NUP210L: variants seen among roughly 807,000 people sequenced by gnomAD.
NUP210L encodes nucleoporin 210 like.
NUP210L carries 74 observed loss-of-function variants against 208.5 expected under a neutral mutation model. The ratio of observed to expected loss-of-function variants is 0.35; its 90% CI spans 0.29 to 0.43. The LOEUF is 0.43. Ranked by LOEUF, NUP210L falls within the 20% of genes least tolerant of loss-of-function variation. NUP210L has a pLI of 1.00. For synonymous variants in NUP210L, 780 were observed against 816.9 expected (o/e 0.95, Z 0.77); for missense variants, 1,843 against 2,289.4 (o/e 0.81, Z 3.98).
intron 27 of NUP210L, among the ~76,000 whole-genome samples, chr1:154,042,163 G>C (rs1293480651): frequency 6.7e-6 from 1 of 149,082 alleles, no homozygotes; most frequent in East Asian, 2.0e-4. Flanking sequence ...GGAGTGGTGC[G>C]ATCACAGCTC....
chr1:154,112,957 G>A (rs1171568999), intron 12 of NUP210L, among the ~76,000 whole-genome samples: 3 of 151,536 alleles, frequency 2.0e-5, no homozygotes, highest in Non-Finnish European at 4.4e-5. Flanking sequence ...AGGAGTTTGA[G>A]GCAAGCCTGG....
chr1:154,103,465 G>T (rs373826432), intron 13 of NUP210L, among the ~76,000 whole-genome samples: 2 of 151,174 alleles, frequency 1.3e-5, no homozygotes, highest in East Asian at 3.9e-4. Flanking sequence ...GAGCTCAGGA[G>T]ATCGAGACCA....
At chr1:154,006,271 T>C (rs1191190280) in intron 35 of NUP210L, among the ~76,000 whole-genome samples, 1 of 152,042 alleles carries the variant, frequency 6.6e-6, no homozygotes, top group African/African-American at 2.4e-5. Context: ...CTCAACCTCC[T>C]GGGCCCAAGT....
At chr1:154,009,935 C>A in intron 35 of NUP210L, 37 bp downstream of exon 35, 1 of 1,540,694 alleles carries the variant, frequency 6.5e-7, no homozygotes, top group Non-Finnish European at 8.8e-7. Context: ...AATAGATAAA[C>A]AGAATGGGGA....
At chr1:154,152,842 A>T (rs375463537) in exon 2 of NUP210L, 159 of 1,613,948 alleles carry the variant, frequency 9.9e-5, no homozygotes, top group Non-Finnish European at 1.0e-4. Context: ...ATAAAGGCTC[A>T]ACAGTAACTG....
intron 33 of NUP210L, among the ~76,000 whole-genome samples, chr1:154,016,831 C>T (rs747477874): frequency 7.2e-5 from 11 of 151,780 alleles, no homozygotes; most frequent in Admixed American, 2.0e-4. Context: ...CTGGGCATGG[C>T]GGCATGCACC....
At chr1:154,020,240 A>G (rs558637114) in intron 32 of NUP210L, among the ~76,000 whole-genome samples, 14 of 152,366 alleles carry the variant, frequency 9.2e-5, no homozygotes, top group Admixed American at 3.3e-4. Context: ...AGCCAAAACC[A>G]TACATTACTA....
At chr1:154,080,338 C>T (rs1244529189) in intron 16 of NUP210L, among the ~76,000 whole-genome samples, 2 of 142,730 alleles carry the variant, frequency 1.4e-5, no homozygotes, top group Non-Finnish European at 3.0e-5. Flanking sequence ...CCAGCCTGGG[C>T]GACAGAGCAA....
At chr1:154,146,904 G>A (rs144059078) in intron 2 of NUP210L, among the ~76,000 whole-genome samples, 1,893 of 152,194 alleles carry the variant, frequency 0.012, 11 homozygotes, top group Non-Finnish European at 0.019. Flanking sequence ...GCTCACTGCA[G>A]CCTCGAACTC....
rs1436632054 is a variant in NUP210L at position 154,023,327 on chromosome 1, G to A, written c.4123-30C>T. On this transcript the variant is annotated intron_variant, in intron 30 of 39. Coordinates refer to ENST00000368559, the Ensembl canonical transcript of NUP210L. The stretch of plus-strand genomic sequence containing the variant: ...GGGAGACAAAACCTACTGGTACAGA[G>A]AAAGATGCACTGGAGAAGTGCTGCA... 1.9e-6 allele frequency: 3 copies of A among 1,565,398 alleles called. No homozygotes were observed. The African/African-American group carries it at 4.1e-5, about 21-fold the overall frequency.
intron 6 of NUP210L, among the ~76,000 whole-genome samples, chr1:154,137,177 G>T (rs1339196435): frequency 6.6e-6 from 1 of 151,994 alleles, no homozygotes; most frequent in Non-Finnish European, 1.5e-5. Context: ...TCAGCCCTTT[G>T]GGAGGGAGGC....
intron 22 of NUP210L, among the ~76,000 whole-genome samples, chr1:154,057,346 C>T (rs1472587690): frequency 6.6e-6 from 1 of 152,004 alleles, no homozygotes; most frequent in South Asian, 2.1e-4. Context: ...CTCATTTTAA[C>T]TCTGGTTAGG....
At chr1:154,068,235 G>A (rs1654515495) in intron 17 of NUP210L, among the ~76,000 whole-genome samples, 1 of 152,092 alleles carries the variant, frequency 6.6e-6, no homozygotes, top group Non-Finnish European at 1.5e-5. Flanking sequence ...CCAAAACAGA[G>A]ATATAGACCA....
intron 16 of NUP210L, among the ~76,000 whole-genome samples, chr1:154,080,904 G>T (rs774066792): frequency 2.7e-5 from 4 of 149,910 alleles, no homozygotes; most frequent in Non-Finnish European, 5.9e-5. Flanking sequence ...AACCTGGGAG[G>T]TATAAGTTGC....
chr1:154,006,018 C>T lies in NUP210L; in HGVS notation c.4930+3954G>A, dbSNP rs1019641059. Among the ~76,000 whole-genome samples, 6 of 151,484 alleles carry T rather than the reference C, an allele frequency of 4.0e-5. No homozygotes were observed. In the East Asian group the frequency reaches 7.8e-4, roughly 20 times the overall value. ...ATTACAGGCATGAGCCACCGCGCCC[C>T]GCCCTAATTTTGTATTTTTAGTAGA... On this transcript the variant is annotated intron_variant, in intron 35 of 39. Coordinates refer to ENST00000368559, the Ensembl canonical transcript of NUP210L.
chr1:154,031,641 A>T lies in NUP210L; in HGVS notation c.3697-1587T>A, dbSNP rs564546237. 2.0e-5 allele frequency among the ~76,000 whole-genome samples: 3 copies of T among 146,860 alleles called. No homozygotes were observed. In the Admixed American group the frequency reaches 2.2e-4, roughly 11 times the overall value. ...AAGTGAGAACATGCGAAGTTTGTCT[A>T]TCTATACTTGGCTTATTTCACTTAA... On this transcript the variant is annotated intron_variant, in intron 27 of 39. Coordinates refer to ENST00000368559, the Ensembl canonical transcript of NUP210L.
chr1:154,126,230 G>T, intron 10 of NUP210L, 93 bp downstream of exon 10: 1 of 1,005,884 alleles, frequency 9.9e-7, no homozygotes, highest in Middle Eastern at 2.2e-4. Context: ...AAAGATAAAG[G>T]TGGTATATGC....
At chr1:154,036,313 CATGTGTGTGTGTGTGTGTGTGTGT>C (rs1181768749) in intron 27 of NUP210L, among the ~76,000 whole-genome samples, 1 of 104,088 alleles carries the variant, frequency 9.6e-6, no homozygotes, top group South Asian at 3.2e-4. Flanking sequence ...ACAGTTGGAA[CATGTGTGTGTGTGTGTGTGTGTGT>C]GTGTGTGTGT....
intron 33 of NUP210L, among the ~76,000 whole-genome samples, chr1:154,017,402 A>G (rs887510462): frequency 6.6e-6 from 1 of 151,780 alleles, no homozygotes; most frequent in Non-Finnish European, 1.5e-5. Flanking sequence ...AGCTTAACCC[A>G]TTAATAGTAA....
Sources: allele counts gnomAD v4.1 joint callset (sites outside exome capture counted in the v4.1 genomes callset), GRCh38; gene constraint gnomAD v4.1.1; transcripts MANE v1.5; gene names NCBI Gene and HGNC (gene_info 2026-07-23, HGNC 2026-07-21).